CHURC1: variants seen among roughly 807,000 people sequenced by gnomAD.
The protein encoded by CHURC1 is churchill domain containing 1, also known as protein Churchill.
CHURC1 carries 12 observed loss-of-function variants against 15.4 expected under a neutral mutation model. That is an observed-to-expected ratio of 0.78 (90% CI 0.50 to 1.27). The LOEUF is 1.27. Among genes scored for constraint, CHURC1 ranks in the 50% most tolerant of loss-of-function variants. The probability of loss-of-function intolerance (pLI) is 0.00; values close to 1 mark genes in which losing one functional copy is unlikely to be tolerated. For synonymous variants in CHURC1, 42 were observed against 47.5 expected (o/e 0.88, Z 0.48); for missense variants, 132 against 137.8 (o/e 0.96, Z 0.21).
intron 1 of CHURC1, 70 bp downstream of exon 1, chr14:64,914,604 C>G (rs1445307469): frequency 4.1e-5 from 65 of 1,604,294 alleles, no homozygotes; most frequent in Non-Finnish European, 5.3e-5. Flanking sequence ...GCTGGCCTTC[C>G]CAGAGAGGCC....
Position 64,933,440 on chromosome 14 carries a change from A to C in CHURC1, c.*1210A>C, listed in dbSNP as rs774379262. On this transcript the variant is annotated 3_prime_UTR_variant, in exon 4 of 4. Transcript: ENST00000549115. ...CATAGTTTCATGAGCACTGGCCAGG[A>C]GGTTATAAACTGGCATTTAGGCCTC... is the stretch of plus-strand genomic sequence containing the variant. The C allele has an allele frequency of 1.4e-5, 14 of 985,446 alleles. No individual in the cohort carries two copies. Among genetic ancestry groups the C allele is most frequent in the Non-Finnish European group, 1.7e-5 (14 of 829,936 alleles). The allele number at this position is 985,446 out of a possible 1,614,324, so 61.0% of individuals were successfully genotyped here. A position where few individuals can be genotyped will look rare whatever the true frequency, so the allele number is the denominator to read the frequency against.
chr14:64,915,052 C>A (rs1883771654), intron 1 of CHURC1, among the ~76,000 whole-genome samples: 1 of 152,352 alleles, frequency 6.6e-6, no homozygotes, highest in Non-Finnish European at 1.5e-5. Flanking sequence ...TTCTGAATCT[C>A]AGTTACTTTC....
chr14:64,914,648 C>G, intron 1 of CHURC1, 114 bp downstream of exon 1: 1 of 1,563,784 alleles, frequency 6.4e-7, no homozygotes, highest in South Asian at 1.2e-5. Flanking sequence ...ACTGCCGGTC[C>G]CGGTGACCCA....
chr14:64,924,241 T>A, intron 2 of CHURC1, 115 bp downstream of exon 2: 1 of 1,241,730 alleles, frequency 8.1e-7, no homozygotes, highest in Non-Finnish European at 1.0e-6. Context: ...CGCACATAAT[T>A]ACTAGTTAGG....
intron 2 of CHURC1, among the ~76,000 whole-genome samples, chr14:64,925,401 G>C (rs565800018): frequency 6.6e-6 from 1 of 152,004 alleles, no homozygotes; most frequent in African/African-American, 2.4e-5. Context: ...GGATGGGTGC[G>C]GTGGCTCACG....
chr14:64,935,064 C>G lies in CHURC1; in HGVS notation c.*2834C>G. On this transcript the variant is annotated 3_prime_UTR_variant, in exon 4 of 4. Transcript: ENST00000549115. ...ATGGATGAAATTGGAAATCTTCATT[C>G]TCAGTAAACTATCGCAAGGACAAAA... 1.1e-6 allele frequency: 1 copy of G among 902,204 alleles called. No homozygotes were observed. Among genetic ancestry groups the G allele is most frequent in the Non-Finnish European group, 1.3e-6 (1 of 754,652 alleles). The allele number at this position is 902,204 out of a possible 1,614,324, so 55.9% of individuals were successfully genotyped here.
rs938620958 is a variant in CHURC1 at position 64,928,125 on chromosome 14, T to C, written c.246+2045T>C. On this transcript the variant is annotated intron_variant, in intron 3 of 3. Coordinates refer to ENST00000549115, the MANE Select transcript of CHURC1 (RefSeq NM_001386928.1). ...CTCCTGTTAGAGAGAAAGATTTTTA[T>C]TTACCCCTCTCTAATGCTACCCCTA... 4.6e-5 allele frequency among the ~76,000 whole-genome samples: 7 copies of C among 152,286 alleles called. No homozygotes were observed. The East Asian group carries it at 1.4e-3, about 29-fold the overall frequency.
chr14:64,934,744 G>T lies in CHURC1; in HGVS notation c.*2514G>T. On this transcript the variant is annotated 3_prime_UTR_variant, in exon 4 of 4. Coordinates refer to ENST00000549115, the MANE Select transcript of CHURC1 (RefSeq NM_001386928.1). ...ATAGCCTCTGAATTGTCCCTTCCTT[G>T]AGTTTGCTAATGCTTCCAACTTAGT... 1 of 985,420 alleles carries T rather than the reference G, an allele frequency of 1.0e-6. No homozygotes were observed. The highest frequency in any genetic ancestry group is 1.2e-6 in the Non-Finnish European group (1 of 829,930). The allele number at this position is 985,420 out of a possible 1,614,324, so 61.0% of individuals were successfully genotyped here.
intron 1 of CHURC1, among the ~76,000 whole-genome samples, chr14:64,917,841 A>T (rs1396993491): frequency 6.6e-6 from 1 of 152,238 alleles, no homozygotes; most frequent in Admixed American, 6.5e-5. Flanking sequence ...TGTTGGAAGT[A>T]TCATTACAGA....
rs1885111211 is a variant in CHURC1 at position 64,932,128 on chromosome 14, C to G, written c.247-10C>G. The G allele has an allele frequency of 1.2e-6, 2 of 1,609,614 alleles. No individual in the cohort carries two copies. The highest frequency in any genetic ancestry group is 1.7e-6 in the Non-Finnish European group (2 of 1,177,402). ...TCCTCTAGGTAATTATGCACTTTATCTTGTTCTAGGAGTATACCATGCTGT... is the reference window on the plus strand; with the variant it reads ...TCCTCTAGGTAATTATGCACTTTATGTTGTTCTAGGAGTATACCATGCTGT... On this transcript the variant is annotated splice_polypyrimidine_tract_variant and intron_variant, in intron 3 of 3. Transcript: ENST00000549115.
Position 64,935,334 on chromosome 14 carries a change from TAATAATAA to T in CHURC1, c.*3110_*3117del. On this transcript the variant is annotated 3_prime_UTR_variant, in exon 4 of 4. Coordinates refer to ENST00000549115, the MANE Select transcript of CHURC1 (RefSeq NM_001386928.1). ...ATGTACCCTAAAACTTAAAGTATAA[TAATAATAA>T]AATAAAAAAAAAGGAATTAGGCAAA... The T allele has an allele frequency of 1.2e-6, 1 of 863,230 alleles. No individual in the cohort carries two copies. The highest frequency in any genetic ancestry group is 1.4e-6 in the Non-Finnish European group (1 of 719,648). 53.5% of individuals were successfully genotyped at this position (863,230 alleles called of 1,614,324 possible).
intron 2 of CHURC1, chr14:64,924,544 T>A (rs1884549447): frequency 6.6e-6 from 1 of 152,362 alleles, no homozygotes; most frequent in South Asian, 2.1e-4. Flanking sequence ...GGGCTGCTTG[T>A]CCCTATACTA....
chr14:64,917,614 G>A (rs966181380), intron 1 of CHURC1, among the ~76,000 whole-genome samples: 2 of 152,074 alleles, frequency 1.3e-5, no homozygotes, highest in Non-Finnish European at 2.9e-5. Context: ...AGCCAAGCGT[G>A]GTGGCATGCA....
At position 64,922,995 on chromosome 14, in the gene CHURC1, A is replaced by G. The variant is rs575880020; in HGVS notation, c.40-996A>G. 2.0e-5 allele frequency among the ~76,000 whole-genome samples: 3 copies of G among 152,342 alleles called. No individual in the cohort carries two copies. The East Asian group carries it at 5.8e-4, about 29-fold the overall frequency. On this transcript the variant is annotated intron_variant, in intron 1 of 3. Transcript: ENST00000549115. ...TCTGTTGTGCTTTGCACAATATCAG[A>G]CACAGATGCACTGGAGAAACGTTGA...
chr14:64,915,562 A>G (rs370839343), intron 1 of CHURC1, among the ~76,000 whole-genome samples: 3 of 152,304 alleles, frequency 2.0e-5, no homozygotes, highest in Admixed American at 6.5e-5. Context: ...CAGAAATGGA[A>G]TTTGTGCATT....
At chr14:64,914,672 G>A (rs1421330227) in intron 1 of CHURC1, 138 bp downstream of exon 1, 3 of 1,501,512 alleles carry the variant, frequency 2.0e-6, no homozygotes, top group African/African-American at 2.8e-5. Context: ...GCGGTATTTA[G>A]GCACACCAGG....
intron 1 of CHURC1, among the ~76,000 whole-genome samples, chr14:64,921,748 A>G (rs1016888192): frequency 1.3e-5 from 2 of 152,234 alleles, no homozygotes; most frequent in Non-Finnish European, 2.9e-5. Flanking sequence ...GTAAAGTTAA[A>G]TATACCATAT....
chr14:64,925,652 G>C (rs1884628051), intron 2 of CHURC1, among the ~76,000 whole-genome samples: 1 of 132,258 alleles, frequency 7.6e-6, no homozygotes, highest in Admixed American at 8.2e-5. Flanking sequence ...AGGCATGTTT[G>C]TGTCACTGCA....
At chr14:64,932,071 T>C in intron 3 of CHURC1, 67 bp from the exon 4 acceptor site, 2 of 1,558,016 alleles carry the variant, frequency 1.3e-6, no homozygotes, top group Non-Finnish European at 1.7e-6. Flanking sequence ...ACATCTTAAC[T>C]AGAGTAAGTT....
Sources: gnomAD v4.1 joint callset for allele counts (sites outside exome capture counted in the v4.1 genomes callset) on GRCh38, gnomAD v4.1.1 for gene constraint, MANE v1.5 for transcripts, NCBI Gene and HGNC (gene_info 2026-07-23, HGNC 2026-07-21) for gene names.